Variants in RPN1 observed in about 807,000 individuals in gnomAD.
RPN1 encodes ribophorin I.
A neutral mutation model predicts 55.5 loss-of-function variants in RPN1; 12 were observed. The observed-to-expected ratio is 0.22, with a 90% CI of 0.14 to 0.35. The LOEUF is 0.35. RPN1 is among the 10% of genes least tolerant of loss of function. The pLI, the probability that RPN1 is intolerant of heterozygous loss-of-function variation, is 1.00. For synonymous variants in RPN1, 317 were observed against 305.9 expected (o/e 1.04, Z -0.38); for missense variants, 679 against 761.3 (o/e 0.89, Z 1.27).
chr3:128,632,208 C>A, intron 3 of RPN1, 51 bp from the exon 4 acceptor site: 1 of 1,554,960 alleles, frequency 6.4e-7, no homozygotes, highest in Non-Finnish European at 8.9e-7. Flanking sequence ...GAGAATGCAC[C>A]ATTAGTTTAA....
At position 128,620,225 on chromosome 3, in the gene RPN1, AAAAG is replaced by A. The variant is rs1235306276; in HGVS notation, c.*182_*185del. On this transcript the variant is annotated 3_prime_UTR_variant, in exon 10 of 10. Coordinates refer to ENST00000296255, the MANE Select transcript of RPN1 (RefSeq NM_002950.4). ...AGTTTTCTTTTTTTAAAAAAAAAAA[AAAAG>A]AAAGTTAAGGACAAACGGCAAACTC... 6.2e-5 allele frequency: 25 copies of A among 406,156 alleles called. No individual in the cohort carries two copies. The highest frequency in any genetic ancestry group is 1.0e-4 in the African/African-American group (5 of 48,680). The allele number at this position is 406,156 out of a possible 1,614,324, so 25.2% of individuals were successfully genotyped here.
At chr3:128,623,966 C>A (rs758056183) in intron 8 of RPN1, among the ~76,000 whole-genome samples, 57 of 151,994 alleles carry the variant, frequency 3.8e-4, no homozygotes, top group Non-Finnish European at 5.9e-4. Flanking sequence ...GCAACTTAAC[C>A]TCCAATGATT....
intron 1 of RPN1, among the ~76,000 whole-genome samples, chr3:128,650,063 A>G (rs992795870): frequency 6.6e-6 from 1 of 152,198 alleles, no homozygotes; most frequent in Admixed American, 6.5e-5. Flanking sequence ...TAATTCATTT[A>G]TTTGTCCTCT....
At chr3:128,634,044 A>G (rs892996528) in intron 3 of RPN1, among the ~76,000 whole-genome samples, 4 of 151,834 alleles carry the variant, frequency 2.6e-5, no homozygotes. Flanking sequence ...TTTACAGGCC[A>G]GCCGGGCACA....
In RPN1 at chr3:128,632,108, G is replaced by A. The variant is rs190764467; in HGVS notation, c.683C>T (p.Thr228Ile). The change falls in exon 4 of 10, where the codon ACC (threonine) becomes ATC (isoleucine). Residue 228 changes from threonine (T) to isoleucine (I), a missense_variant. Physicochemically the swap from Thr to Ile is moderately conservative, Grantham distance 89 (BLOSUM62 -1). This residue lies in a region of RPN1 where 352 missense variants were observed against 352.8 expected (regional missense o/e 1.00). Transcript: ENST00000296255. Reference protein sequence around the residue: ...YENNSPFLTITSMTRVIEVSH... With the variant: ...YENNSPFLTIISMTRVIEVSH... ...GACTTCAATGACTCGGGTCATGCTG[G>A]TGATGGTCAGGAAAGGGCTGTTGTT... 1.9e-6 allele frequency: 3 copies of A among 1,614,198 alleles called. No individual in the cohort carries two copies. Among genetic ancestry groups the A allele is most frequent in the African/African-American group, 1.3e-5 (1 of 75,046 alleles).
chr3:128,636,666 A>G (rs9880064), intron 3 of RPN1, among the ~76,000 whole-genome samples: 93,343 of 151,590 alleles, frequency 0.62, 28,866 homozygotes, highest in East Asian at 0.77. Context: ...TAATCCTCCC[A>G]CCTCAGCCTC....
chr3:128,641,655 C>T (rs1349225464), intron 2 of RPN1, among the ~76,000 whole-genome samples: 1 of 146,352 alleles, frequency 6.8e-6, no homozygotes, highest in Non-Finnish European at 1.5e-5. Flanking sequence ...CTTTTGTTGC[C>T]CAGGCTGGCA....
chr3:128,624,180 T>C (rs191696278), intron 8 of RPN1, among the ~76,000 whole-genome samples: 4 of 152,166 alleles, frequency 2.6e-5, no homozygotes, highest in African/African-American at 4.8e-5. Flanking sequence ...GTATTTCCTA[T>C]CTGCATTTGA....
chr3:128,631,474 G>A (rs9844071), intron 4 of RPN1, among the ~76,000 whole-genome samples: 90,708 of 148,328 alleles, frequency 0.61, 27,851 homozygotes, highest in East Asian at 0.77. Context: ...GCAAAACTCC[G>A]TCTCAAGAAA....
At chr3:128,643,730 G>A (rs2107721450) in intron 2 of RPN1, among the ~76,000 whole-genome samples, 1 of 152,044 alleles carries the variant, frequency 6.6e-6, no homozygotes, top group Admixed American at 6.6e-5. Flanking sequence ...GGGAGGAGGA[G>A]GTTGCAGTGA....
At chr3:128,650,397 C>A in intron 1 of RPN1, 143 bp downstream of exon 1, 1 of 811,316 alleles carries the variant, frequency 1.2e-6, no homozygotes, top group South Asian at 2.1e-5. Flanking sequence ...CCGAGGCAAT[C>A]CCACGGACCC....
At chr3:128,635,072 C>T (rs2069667191) in intron 3 of RPN1, among the ~76,000 whole-genome samples, 1 of 152,106 alleles carries the variant, frequency 6.6e-6, no homozygotes, top group South Asian at 2.1e-4. Context: ...GGGCCCTGGG[C>T]ACTCTGCAAC....
chr3:128,650,279 C>A (rs2069806610), intron 1 of RPN1, among the ~76,000 whole-genome samples: 1 of 152,200 alleles, frequency 6.6e-6, no homozygotes, highest in Admixed American at 6.5e-5. Flanking sequence ...GAGCAGCGAC[C>A]CGCGCGGGGG....
chr3:128,650,492 A>G (rs747491250), intron 1 of RPN1, 48 bp downstream of exon 1: 1 of 1,485,800 alleles, frequency 6.7e-7, no homozygotes, highest in South Asian at 1.3e-5. Flanking sequence ...CCAGGAAGGG[A>G]GGCGGGAAGG....
At chr3:128,640,778 T>G (rs1403023480) in intron 2 of RPN1, among the ~76,000 whole-genome samples, 1 of 152,060 alleles carries the variant, frequency 6.6e-6, no homozygotes, top group African/African-American at 2.4e-5. Flanking sequence ...TTCCTTTGCC[T>G]CCTCCTCCAT....
intron 3 of RPN1, among the ~76,000 whole-genome samples, chr3:128,635,400 A>C (rs2107717456): frequency 6.6e-6 from 1 of 151,560 alleles, no homozygotes; most frequent in South Asian, 2.1e-4. Flanking sequence ...TCCTGGGTTC[A>C]AGCAGTTCTC....
At position 128,625,627 on chromosome 3, in the gene RPN1, G is replaced by A; in HGVS notation, c.1302C>T (p.Leu434=). The change falls in exon 8 of 10, where the codon CTC becomes CTT. Residue 434 remains leucine, a synonymous_variant. Coordinates refer to ENST00000296255, the MANE Select transcript of RPN1 (RefSeq NM_002950.4). The part of the protein sequence containing the change: ...IVVHYTFNKV[L]MLQEPLLVVA... Reference sequence around the variant, plus strand: ...CCACCAGCAGGGGCTCCTGCAGCATGAGCACCTTGTTGAACGTGTAGTGGA... The same window carrying A: ...CCACCAGCAGGGGCTCCTGCAGCATAAGCACCTTGTTGAACGTGTAGTGGA... The A allele has an allele frequency of 1.9e-6, 3 of 1,614,116 alleles. No individual in the cohort carries two copies. The highest frequency in any genetic ancestry group is 2.5e-6 in the Non-Finnish European group (3 of 1,180,034).
chr3:128,620,797 GC>G (rs1252762580), intron 9 of RPN1, among the ~76,000 whole-genome samples: 3 of 152,162 alleles, frequency 2.0e-5, no homozygotes, highest in Middle Eastern at 3.2e-3. Context: ...CCACCCACAA[GC>G]CCCGTTCTTA....
intron 4 of RPN1, among the ~76,000 whole-genome samples, chr3:128,631,239 C>T (rs9843428): frequency 0.35 from 52,391 of 151,704 alleles, 9,253 homozygotes; most frequent in Middle Eastern, 0.41. Flanking sequence ...TTTGGGAGGC[C>T]GAAGTGGGCG....
Sources: gnomAD v4.1 joint callset for allele counts (sites outside exome capture counted in the v4.1 genomes callset) on GRCh38, gnomAD v4.1.1 for gene constraint, gnomAD v4.1.1 regional missense constraint, MANE v1.5 for transcripts, NCBI Gene and HGNC (gene_info 2026-07-23, HGNC 2026-07-21) for gene names.